The following RNF121 variants were observed in gnomAD, a reference collection of about 807,000 sequenced individuals.
RNF121 encodes the protein ring finger protein 121.
A neutral mutation model predicts 46.5 loss-of-function variants in RNF121; 21 were observed. That is an observed-to-expected ratio of 0.45 (90% confidence interval 0.32 to 0.65). The LOEUF is 0.65. Ranked by LOEUF, RNF121 falls within the 30% of genes least tolerant of loss-of-function variation. The pLI is 0.04. For missense variants in RNF121, 346 were observed against 416.0 expected (o/e 0.83, Z 1.46); for synonymous variants, 139 against 144.7 (o/e 0.96, Z 0.28).
intron 3 of RNF121, among the ~76,000 whole-genome samples, chr11:71,979,892 G>C (rs2134202088): frequency 6.6e-6 from 1 of 152,308 alleles, no homozygotes; most frequent in Non-Finnish European, 1.5e-5. Context: ...CTACTGTTTT[G>C]TAAACAGCCC....
At chr11:71,970,671 C>T (rs1954403150) in intron 3 of RNF121, among the ~76,000 whole-genome samples, 1 of 151,926 alleles carries the variant, frequency 6.6e-6, no homozygotes, top group Non-Finnish European at 1.5e-5. Flanking sequence ...TAAAAAAAGA[C>T]AAAATAATAA....
chr11:71,990,035 T>C (rs1279612417), intron 5 of RNF121, among the ~76,000 whole-genome samples: 3 of 152,212 alleles, frequency 2.0e-5, no homozygotes, highest in Non-Finnish European at 4.4e-5. Context: ...TCTCAGGTAG[T>C]GGGCATGCTT....
chr11:71,929,149 G>A (rs999675852), intron 1 of RNF121, 25 bp downstream of exon 1: 1 of 1,548,796 alleles, frequency 6.5e-7, no homozygotes. Flanking sequence ...GAGACGAGGA[G>A]AGACTCAACC....
chr11:71,959,770 G>C (rs1360996576), intron 2 of RNF121, among the ~76,000 whole-genome samples: 1 of 151,818 alleles, frequency 6.6e-6, no homozygotes, highest in East Asian at 1.9e-4. Flanking sequence ...TGAGTAGCTG[G>C]GATCACAGGC....
At chr11:71,994,130 G>A (rs1204416904) in intron 6 of RNF121, among the ~76,000 whole-genome samples, 1 of 152,094 alleles carries the variant, frequency 6.6e-6, no homozygotes, top group Non-Finnish European at 1.5e-5. Context: ...GTCAGCCACC[G>A]CGCCCAGCCT....
chr11:71,993,133 C>A (rs1339900444), intron 6 of RNF121, among the ~76,000 whole-genome samples: 2 of 152,176 alleles, frequency 1.3e-5, no homozygotes, highest in East Asian at 3.9e-4. Context: ...CCTTTTTGAA[C>A]AACTGTCTTG....
intron 1 of RNF121, among the ~76,000 whole-genome samples, chr11:71,937,723 A>G (rs1953454192): frequency 1.3e-5 from 2 of 151,996 alleles, no homozygotes; most frequent in Admixed American, 1.3e-4. Flanking sequence ...GCTTCTTTGC[A>G]TCTCTGACTT....
intron 7 of RNF121, 119 bp downstream of exon 7, chr11:71,994,971 G>A: frequency 7.4e-7 from 1 of 1,357,284 alleles, no homozygotes; most frequent in African/African-American, 1.4e-5. Flanking sequence ...GTGTAGGAGA[G>A]CCACAAGAGG....
intron 1 of RNF121, among the ~76,000 whole-genome samples, chr11:71,956,471 T>C (rs1162383837): frequency 6.6e-6 from 1 of 152,134 alleles, no homozygotes. Context: ...CCCTAAAATA[T>C]CAGTAGTGCC....
intron 1 of RNF121, among the ~76,000 whole-genome samples, chr11:71,943,862 C>T (rs768413390): frequency 2.0e-5 from 3 of 152,244 alleles, no homozygotes; most frequent in Non-Finnish European, 4.4e-5. Context: ...ATGCCACCTT[C>T]AGGGAACTGT....
At chr11:71,935,288 A>G (rs972670010) in intron 1 of RNF121, among the ~76,000 whole-genome samples, 5 of 152,210 alleles carry the variant, frequency 3.3e-5, no homozygotes, top group African/African-American at 1.2e-4. Context: ...TACTATTATT[A>G]TTATCTCATT....
At chr11:71,944,953 A>T (rs1423999473) in intron 1 of RNF121, among the ~76,000 whole-genome samples, 1 of 151,520 alleles carries the variant, frequency 6.6e-6, no homozygotes, top group Non-Finnish European at 1.5e-5. Flanking sequence ...ATCAAGTAGG[A>T]TTATGTTAGT....
chr11:71,994,928 T>C, intron 7 of RNF121, 76 bp downstream of exon 7: 1 of 1,593,958 alleles, frequency 6.3e-7, no homozygotes, highest in Non-Finnish European at 8.6e-7. Context: ...AAGAGGGTGG[T>C]CATGACCCTA....
chr11:71,980,167 C>G (rs1954617729), intron 3 of RNF121, among the ~76,000 whole-genome samples: 2 of 152,168 alleles, frequency 1.3e-5, no homozygotes, highest in African/African-American at 2.4e-5. Context: ...ATGCTTCATT[C>G]AGAGAGTCAG....
chr11:71,982,151 A>G (rs1717651142), intron 3 of RNF121, among the ~76,000 whole-genome samples: 1 of 151,944 alleles, frequency 6.6e-6, no homozygotes, highest in South Asian at 2.1e-4. Flanking sequence ...CAGCCTAGCT[A>G]AGAATGTTGG....
At chr11:71,961,226 C>G (rs1026393229) in intron 3 of RNF121, among the ~76,000 whole-genome samples, 5 of 152,172 alleles carry the variant, frequency 3.3e-5, no homozygotes, top group Admixed American at 6.5e-5. Context: ...AACTAAGCAT[C>G]TCATGAATCT....
At chr11:71,947,908 T>C (rs910229689) in intron 1 of RNF121, among the ~76,000 whole-genome samples, 5 of 152,168 alleles carry the variant, frequency 3.3e-5, no homozygotes, top group Non-Finnish European at 4.4e-5. Flanking sequence ...ACTATGGCAA[T>C]GAAAAACTCA....
chr11:71,938,314 ATTTTTTTTTT>A (rs71958930), intron 1 of RNF121, among the ~76,000 whole-genome samples: 3 of 94,926 alleles, frequency 3.2e-5, no homozygotes, highest in African/African-American at 7.8e-5. Context: ...TAGTCTCTTA[ATTTTTTTTTT>A]TTTTTTTTTT....
intron 1 of RNF121, among the ~76,000 whole-genome samples, chr11:71,932,133 C>T (rs1377939087): frequency 6.6e-6 from 1 of 152,168 alleles, no homozygotes; most frequent in East Asian, 1.9e-4. Context: ...CTAATGGCTT[C>T]TTTCTTTAGA....
Sources: allele counts gnomAD v4.1 joint callset (sites outside exome capture counted in the v4.1 genomes callset), GRCh38; gene constraint gnomAD v4.1.1; transcripts MANE v1.5; gene names NCBI Gene and HGNC (gene_info 2026-07-23, HGNC 2026-07-21).